The following KCNH5 variants were observed in gnomAD, a reference collection of about 807,000 sequenced individuals.
The protein encoded by KCNH5 is voltage-gated delayed rectifier potassium channel KCNH5.
Under a neutral mutation model 96.1 loss-of-function variants are expected in KCNH5, and 46 were observed. That is an observed-to-expected ratio of 0.48 (90% CI 0.38 to 0.61). The LOEUF (loss-of-function observed/expected upper bound fraction) is 0.61. KCNH5 is among the 20% of genes least tolerant of loss of function. KCNH5 has a pLI of 0.00. For missense variants in KCNH5, 907 were observed against 1,225.8 expected, an observed-to-expected ratio of 0.74 and a Z score of 3.88; for synonymous variants, 439 against 449.8, an observed-to-expected ratio of 0.98 and a Z score of 0.30.
At chr14:62,795,856 A>C (rs1886530592) in intron 9 of KCNH5, among the ~76,000 whole-genome samples, 1 of 152,142 alleles carries the variant, frequency 6.6e-6, no homozygotes, top group Non-Finnish European at 1.5e-5. Context: ...TCTAATCCAG[A>C]CTAGGGCAAT....
At chr14:62,850,741 T>C (rs1335935262) in intron 7 of KCNH5, among the ~76,000 whole-genome samples, 1 of 152,122 alleles carries the variant, frequency 6.6e-6, no homozygotes, top group Non-Finnish European at 1.5e-5. Context: ...CAATCTTCAA[T>C]AGCACACTAC....
Position 62,775,211 on chromosome 14 carries a change from G to T in KCNH5, c.2019+4517C>A, listed in dbSNP as rs1886070963. On this transcript the variant is annotated intron_variant, in intron 10 of 10. Transcript: ENST00000322893. The stretch of plus-strand genomic sequence containing the variant: ...CAATTAAAGGAAAAGCTAAATGTCA[G>T]TTAGAAAATAGATAAAATAAAATTT... Among the ~76,000 whole-genome samples, 4 of 152,220 alleles carry T rather than the reference G, an allele frequency of 2.6e-5. No homozygotes were observed. The East Asian group carries it at 7.7e-4, about 29-fold the overall frequency.
chr14:62,948,551 T>G (rs990637023), intron 7 of KCNH5, among the ~76,000 whole-genome samples: 3 of 151,952 alleles, frequency 2.0e-5, no homozygotes, highest in African/African-American at 7.3e-5. Context: ...CAGGACCAGA[T>G]GGATTCACAG....
chr14:62,735,876 A>G lies in KCNH5; in HGVS notation c.2020-27421T>C, dbSNP rs529155364. Among the ~76,000 whole-genome samples, 335 of 152,368 alleles carry G rather than the reference A, an allele frequency of 2.2e-3. 1 individual carries two copies. The highest frequency in any genetic ancestry group is 3.5e-3 in the Non-Finnish European group (241 of 68,030). ...CAGATAGGAACAGTGGGAAGATGAC[A>G]TGAAGACACATAGTGGGGAAATAGC... On this transcript the variant is annotated intron_variant, in intron 10 of 10. Coordinates refer to ENST00000322893, the MANE Select transcript of KCNH5 (RefSeq NM_139318.5).
rs554396688 is a variant in KCNH5, at chr14:62,966,386, C to T, written c.942+14486G>A. ...CCTCATAGTAGTTTGTGTAGCAGTC[C>T]AAAGAGCTATGCTCCCTGTCCCCAG... On this transcript the variant is annotated intron_variant, in intron 6 of 10. Transcript: ENST00000322893. 7.2e-5 allele frequency among the ~76,000 whole-genome samples: 11 copies of T among 152,246 alleles called. No homozygotes were observed. The South Asian group carries it at 1.7e-3, about 23-fold the overall frequency.
chr14:62,921,825 C>A (rs1191550756), intron 7 of KCNH5, among the ~76,000 whole-genome samples: 1 of 152,060 alleles, frequency 6.6e-6, no homozygotes, highest in African/African-American at 2.4e-5. Flanking sequence ...TATCTAACAG[C>A]CTTGTGGAGC....
chr14:62,915,487 T>C (rs1595682883), intron 7 of KCNH5, among the ~76,000 whole-genome samples: 1 of 152,178 alleles, frequency 6.6e-6, no homozygotes, highest in African/African-American at 2.4e-5. Context: ...AAAATGCACA[T>C]ATAATATTTA....
At position 62,950,023 on chromosome 14, in the gene KCNH5, G is replaced by A. The variant is rs992283884; in HGVS notation, c.1369+110C>T. ...AAAAAAAACAATTGCAAATAAGATG[G>A]ATTAAATACCTTTCTGTAAACAAAG... is the stretch of plus-strand genomic sequence containing the variant. On this transcript the variant is annotated intron_variant, in intron 7 of 10. Coordinates refer to ENST00000322893, the MANE Select transcript of KCNH5 (RefSeq NM_139318.5). 2.5e-5 allele frequency: 22 copies of A among 863,080 alleles called. No homozygotes were observed. The South Asian group carries it at 2.7e-4, about 11-fold the overall frequency. The allele number at this position is 863,080 out of a possible 1,614,324, so 53.5% of individuals were successfully genotyped here.
At chr14:62,930,546 G>GAA (rs1889561295) in intron 7 of KCNH5, among the ~76,000 whole-genome samples, 2 of 152,094 alleles carry the variant, frequency 1.3e-5, no homozygotes, top group East Asian at 3.9e-4. Context: ...TTCATCAAAG[G>GAA]CACATATGTT....
intron 9 of KCNH5, among the ~76,000 whole-genome samples, chr14:62,797,727 T>G (rs1201219367): frequency 6.6e-6 from 1 of 152,038 alleles, no homozygotes; most frequent in East Asian, 1.9e-4. Flanking sequence ...TAATTTTTTT[T>G]TTTTTTGAGA....
chr14:63,021,781 T>C (rs762389774), intron 1 of KCNH5, among the ~76,000 whole-genome samples: 1 of 152,104 alleles, frequency 6.6e-6, no homozygotes, highest in Non-Finnish European at 1.5e-5. Flanking sequence ...TCAGAAGCGT[T>C]GGTAACCACT....
At chr14:63,043,121 T>TAAGCC (rs1891857092) in intron 1 of KCNH5, among the ~76,000 whole-genome samples, 1 of 152,174 alleles carries the variant, frequency 6.6e-6, no homozygotes, top group African/African-American at 2.4e-5. Flanking sequence ...CAGACATTTC[T>TAAGCC]AAGCCACCTA....
intron 7 of KCNH5, among the ~76,000 whole-genome samples, chr14:62,884,454 T>C (rs2140079404): frequency 6.6e-6 from 1 of 152,306 alleles, no homozygotes; most frequent in African/African-American, 2.4e-5. Flanking sequence ...GGTGAAACGC[T>C]GTCTCTACTA....
rs1488309393 is a variant in KCNH5 at position 62,753,803 on chromosome 14, G to C, written c.2019+25925C>G. On this transcript the variant is annotated intron_variant, in intron 10 of 10. Coordinates refer to ENST00000322893, the MANE Select transcript of KCNH5 (RefSeq NM_139318.5). Reference sequence around the variant, plus strand: ...CTTTCCTAGACAAGGGAAGCTGAGGGTTTTCATAAATACCATATCTGTCCT... The same window carrying C: ...CTTTCCTAGACAAGGGAAGCTGAGGCTTTTCATAAATACCATATCTGTCCT... 2.0e-5 allele frequency among the ~76,000 whole-genome samples: 3 copies of C among 152,180 alleles called. No homozygotes were observed. The East Asian group carries it at 5.8e-4, about 29-fold the overall frequency.
chr14:62,720,150 G>T (rs886151493), intron 10 of KCNH5, among the ~76,000 whole-genome samples: 5 of 152,156 alleles, frequency 3.3e-5, no homozygotes, highest in African/African-American at 1.2e-4. Flanking sequence ...TCAGAGAGGG[G>T]AAATCTTAAG....
chr14:62,982,767 G>A (rs1024858535), intron 5 of KCNH5, among the ~76,000 whole-genome samples: 2 of 152,046 alleles, frequency 1.3e-5, no homozygotes, highest in South Asian at 4.1e-4. Context: ...ATCACTGGTG[G>A]TCCCTTTAAT....
intron 1 of KCNH5, among the ~76,000 whole-genome samples, chr14:63,020,400 A>G (rs370896880): frequency 1.3e-5 from 2 of 152,264 alleles, no homozygotes; most frequent in South Asian, 4.1e-4. Context: ...ATTGGAAACA[A>G]TGCAAATGTC....
intron 8 of KCNH5, among the ~76,000 whole-genome samples, chr14:62,836,209 G>A (rs932231747): frequency 6.6e-6 from 1 of 152,000 alleles, no homozygotes; most frequent in Non-Finnish European, 1.5e-5. Flanking sequence ...AATAAAATTT[G>A]TATATATTTT....
intron 9 of KCNH5, among the ~76,000 whole-genome samples, chr14:62,783,706 A>G (rs775232107): frequency 6.6e-6 from 1 of 152,110 alleles, no homozygotes; most frequent in African/African-American, 2.4e-5. Context: ...TTTTTTTAAA[A>G]CCCTATATGT....
Sources: gnomAD v4.1 joint callset for allele counts (sites outside exome capture counted in the v4.1 genomes callset) on GRCh38, gnomAD v4.1.1 for gene constraint, MANE v1.5 for transcripts, NCBI Gene and HGNC (gene_info 2026-07-23, HGNC 2026-07-21) for gene names.